Variants in TXNDC15 observed in about 807,000 individuals in gnomAD.
TXNDC15 encodes the protein thioredoxin domain-containing protein 15.
TXNDC15 carries 24 observed loss-of-function variants against 35.0 expected under a neutral mutation model. That is an observed-to-expected ratio of 0.68 (90% CI 0.50 to 0.96). The LOEUF is 0.96. Ranked by LOEUF, TXNDC15 falls within the 40% of genes least tolerant of loss-of-function variation. The pLI is 0.00. For missense variants in TXNDC15, 385 were observed against 453.3 expected (o/e 0.85, Z 1.37); for synonymous variants, 169 against 174.0 (o/e 0.97, Z 0.23).
In TXNDC15 at chr5:134,874,390, T is replaced by G; in HGVS notation, c.-38T>G. The G allele has an allele frequency of 2.6e-6, 4 of 1,534,222 alleles. No homozygotes were observed. The highest frequency in any genetic ancestry group is 3.5e-6 in the Non-Finnish European group (4 of 1,143,170). On this transcript the variant is annotated 5_prime_UTR_variant, in exon 1 of 5. Transcript: ENST00000358387. ...GCCTTCCTCCGGCTGGCAGCACGAC[T>G]CGCGTAGCCGTGCGCCGATTGCCTC...
intron 3 of TXNDC15, 96 bp downstream of exon 3, chr5:134,893,751 G>A: frequency 6.7e-7 from 1 of 1,500,606 alleles, no homozygotes; most frequent in Non-Finnish European, 9.2e-7. Context: ...AGAAGAGGGG[G>A]GGCATGAACT....
At chr5:134,874,661 C>T in intron 1 of TXNDC15, 131 bp downstream of exon 1, 1 of 709,460 alleles carries the variant, frequency 1.4e-6, no homozygotes, top group South Asian at 2.1e-5. Flanking sequence ...GGGCGCGTCT[C>T]CCCGACTTCT....
chr5:134,891,636 A>G (rs148347201), intron 2 of TXNDC15, among the ~76,000 whole-genome samples: 1 of 152,296 alleles, frequency 6.6e-6, no homozygotes, highest in Non-Finnish European at 1.5e-5. Flanking sequence ...GCAATGAGCA[A>G]TGAGCATTGG....
rs571159613 is a variant in TXNDC15, at chr5:134,893,419, C to T, written c.592-73C>T. 22 of 1,580,526 alleles carry T rather than the reference C, an allele frequency of 1.4e-5. No individual in the cohort carries two copies. In the East Asian group the frequency reaches 4.9e-4, roughly 35 times the overall value. The stretch of plus-strand genomic sequence containing the variant: ...TCCTCTCCCTGGAGCAGCAGTGTGT[C>T]CTGTTTCTTGGGTATCCTTTCAGAA... On this transcript the variant is annotated intron_variant, in intron 2 of 4. Transcript: ENST00000358387.
Position 134,901,437 on chromosome 5 carries a change from C to T in TXNDC15, c.*1752C>T, listed in dbSNP as rs1203393794. ...AGAGTTAGATAACTTGCCCAGGTTACACAGATTGTAAGTTGATGAAGCTGG... is the reference window on the plus strand; with the variant it reads ...AGAGTTAGATAACTTGCCCAGGTTATACAGATTGTAAGTTGATGAAGCTGG... On this transcript the variant is annotated 3_prime_UTR_variant, in exon 5 of 5. Coordinates refer to ENST00000358387, the MANE Select transcript of TXNDC15 (RefSeq NM_024715.4). 6.6e-6 allele frequency: 1 copy of T among 152,138 alleles called. No individual in the cohort carries two copies. Among genetic ancestry groups the T allele is most frequent in the Non-Finnish European group, 1.5e-5 (1 of 68,026 alleles). The allele number at this position is 152,138 out of a possible 1,614,324, so 9.4% of individuals were successfully genotyped here. A position where few individuals can be genotyped will look rare whatever the true frequency, so the allele number is the denominator to read the frequency against.
At chr5:134,874,688 C>A (rs1429991152) in intron 1 of TXNDC15, among the ~76,000 whole-genome samples, 158 bp downstream of exon 1, 1 of 152,138 alleles carries the variant, frequency 6.6e-6, no homozygotes, top group East Asian at 1.9e-4. Flanking sequence ...GCGCACCGCC[C>A]GCTGGTGGCC....
At chr5:134,883,648 C>G (rs1007887475) in intron 1 of TXNDC15, among the ~76,000 whole-genome samples, 7 of 150,468 alleles carry the variant, frequency 4.7e-5, no homozygotes, top group Admixed American at 1.3e-4. Flanking sequence ...CTCGCTGGCT[C>G]ACACCTGTAA....
At chr5:134,878,111 C>T (rs991333828) in intron 1 of TXNDC15, among the ~76,000 whole-genome samples, 22 of 152,252 alleles carry the variant, frequency 1.4e-4, no homozygotes, top group Admixed American at 7.9e-4. Context: ...GGGGTTTCAC[C>T]ATGTTGGCCA....
In TXNDC15 at chr5:134,890,817, A is replaced by G. The variant is rs1490213087; in HGVS notation, c.591+2635A>G. ...AGAACTTCTTTCAAAGTTGGAGTCA[A>G]TCCTCTCAAACCCTGCTGCTGCATT... On this transcript the variant is annotated intron_variant, in intron 2 of 4. Coordinates refer to ENST00000358387, the MANE Select transcript of TXNDC15 (RefSeq NM_024715.4). Among the ~76,000 whole-genome samples, 68 of 152,220 alleles carry G rather than the reference A, an allele frequency of 4.5e-4. 2 individuals are homozygous for G. Among genetic ancestry groups the G allele is most frequent in the Admixed American group, 4.5e-3 (68 of 15,274 alleles).
chr5:134,887,011 G>T (rs1750288941), intron 1 of TXNDC15, among the ~76,000 whole-genome samples: 1 of 152,076 alleles, frequency 6.6e-6, no homozygotes, highest in Non-Finnish European at 1.5e-5. Context: ...CCTTTTCTTG[G>T]ATATTATCAA....
At chr5:134,874,335 G>A, upstream of TXNDC15, 2 of 1,118,936 alleles carry the variant, frequency 1.8e-6, no homozygotes, top group Non-Finnish European at 2.4e-6. Flanking sequence ...GCGCGGGGCC[G>A]CGCCCGCGCT....
chr5:134,898,695 C>T (rs1020744777), intron 4 of TXNDC15, among the ~76,000 whole-genome samples: 1 of 152,196 alleles, frequency 6.6e-6, no homozygotes, highest in African/African-American at 2.4e-5. Flanking sequence ...AAACCTAGAA[C>T]ACAAATCTGG....
At chr5:134,882,377 G>A (rs1446455609) in intron 1 of TXNDC15, among the ~76,000 whole-genome samples, 1 of 150,896 alleles carries the variant, frequency 6.6e-6, no homozygotes, top group East Asian at 2.0e-4. Flanking sequence ...CCAGGCAGAG[G>A]GGCTCCTCAC....
intron 1 of TXNDC15, 147 bp downstream of exon 1, chr5:134,874,677 C>G (rs1297406518): frequency 6.2e-6 from 4 of 647,674 alleles, no homozygotes; most frequent in Non-Finnish European, 9.8e-6. Flanking sequence ...CTTCTCTCCC[C>G]GCGCACCGCC....
Position 134,899,763 on chromosome 5 carries a change from C to A in TXNDC15, c.*78C>A. 1 of 1,226,896 alleles carries A rather than the reference C, an allele frequency of 8.2e-7. No homozygotes were observed. Among genetic ancestry groups the A allele is most frequent in the South Asian group, 1.7e-5 (1 of 59,392 alleles). The allele number at this position is 1,226,896 out of a possible 1,614,324, so 76.0% of individuals were successfully genotyped here. On this transcript the variant is annotated 3_prime_UTR_variant, in exon 5 of 5. Transcript: ENST00000358387. ...TTAGTGCTACAGTTTCATACATTTT[C>A]TCCAGTGACGTGTTGACTTGAAACT...
chr5:134,899,119 G>A (rs1431411617), intron 4 of TXNDC15, among the ~76,000 whole-genome samples: 1 of 151,386 alleles, frequency 6.6e-6, no homozygotes, highest in Non-Finnish European at 1.5e-5. Flanking sequence ...TACTTAACCT[G>A]TGAAAACATT....
Position 134,874,409 on chromosome 5 carries a change from T to C in TXNDC15, c.-19T>C. 1 of 1,583,180 alleles carries C rather than the reference T, an allele frequency of 6.3e-7. No individual in the cohort carries two copies. The highest frequency in any genetic ancestry group is 8.5e-7 in the Non-Finnish European group (1 of 1,169,728). Reference sequence around the variant, plus strand: ...CACGACTCGCGTAGCCGTGCGCCGATTGCCTCTCGGCCTGGGCAATGGTCC... The same window carrying C: ...CACGACTCGCGTAGCCGTGCGCCGACTGCCTCTCGGCCTGGGCAATGGTCC... On this transcript the variant is annotated 5_prime_UTR_variant, in exon 1 of 5. Coordinates refer to ENST00000358387, the MANE Select transcript of TXNDC15 (RefSeq NM_024715.4).
chr5:134,900,628 A>T lies in TXNDC15; in HGVS notation c.*943A>T, dbSNP rs1206286124. 3 of 152,156 alleles carry T rather than the reference A, an allele frequency of 2.0e-5. No individual in the cohort carries two copies. The highest frequency in any genetic ancestry group is 7.2e-5 in the African/African-American group (3 of 41,422). The allele number at this position is 152,156 out of a possible 1,614,324, so 9.4% of individuals were successfully genotyped here. On this transcript the variant is annotated 3_prime_UTR_variant, in exon 5 of 5. Transcript: ENST00000358387. Reference sequence around the variant, plus strand: ...GAGGCAGAGGTTGCAGTGAGCTGAGATCATGCCACTGCACTCCAGCCTGTG... The same window carrying T: ...GAGGCAGAGGTTGCAGTGAGCTGAGTTCATGCCACTGCACTCCAGCCTGTG...
intron 3 of TXNDC15, 44 bp from the exon 4 acceptor site, chr5:134,896,250 C>T: frequency 6.3e-7 from 1 of 1,593,372 alleles, no homozygotes; most frequent in Non-Finnish European, 8.5e-7. Context: ...AGAAAGCCCT[C>T]TATTAATAAT....
Sources: gnomAD v4.1 joint callset for allele counts (sites outside exome capture counted in the v4.1 genomes callset) on GRCh38, gnomAD v4.1.1 for gene constraint, MANE v1.5 for transcripts, NCBI Gene and HGNC (gene_info 2026-07-23, HGNC 2026-07-21) for gene names.